GPC5: variants seen among roughly 807,000 people sequenced by gnomAD.
GPC5 encodes the protein glypican-5.
A neutral mutation model predicts 53.9 loss-of-function variants in GPC5; 47 were observed. The observed-to-expected ratio is 0.87, with a 90% confidence interval of 0.69 to 1.11. GPC5 has a LOEUF of 1.11. GPC5 is among the 50% of genes most tolerant of loss of function. GPC5 has a pLI of 0.00. For missense variants in GPC5, 748 were observed against 713.1 expected (o/e 1.05, Z -0.56); for synonymous variants, 286 against 263.3 (o/e 1.09, Z -0.84).
intron 6 of GPC5, among the ~76,000 whole-genome samples, chr13:91,964,657 G>A (rs1289159443): frequency 2.0e-5 from 3 of 152,194 alleles, no homozygotes; most frequent in African/African-American, 7.2e-5. Context: ...AGACAGAAAA[G>A]TTCTCCAAAT....
chr13:91,979,259 T>C (rs181474859), intron 6 of GPC5, among the ~76,000 whole-genome samples: 97 of 152,002 alleles, frequency 6.4e-4, no homozygotes, highest in African/African-American at 2.2e-3. Flanking sequence ...ATCACGGAGG[T>C]ATTCAAAGCT....
intron 6 of GPC5, among the ~76,000 whole-genome samples, chr13:91,922,699 A>G (rs1223168343): frequency 6.6e-6 from 1 of 152,138 alleles, no homozygotes; most frequent in Non-Finnish European, 1.5e-5. Flanking sequence ...CAAAGCATTG[A>G]AAAATTGGAT....
intron 6 of GPC5, among the ~76,000 whole-genome samples, chr13:91,911,493 A>G (rs1470067109): frequency 6.6e-6 from 1 of 152,184 alleles, no homozygotes; most frequent in Admixed American, 6.5e-5. Context: ...CAGTGAGCCA[A>G]GATGGCACCA....
chr13:92,535,288 C>T (rs1344983390), intron 7 of GPC5, among the ~76,000 whole-genome samples: 2 of 152,148 alleles, frequency 1.3e-5, no homozygotes, highest in African/African-American at 4.8e-5. Context: ...TTCATGCACA[C>T]GCTACCAAAA....
intron 7 of GPC5, among the ~76,000 whole-genome samples, chr13:92,692,565 G>A (rs1406170682): frequency 6.7e-6 from 1 of 150,200 alleles, no homozygotes; most frequent in African/African-American, 2.5e-5. Flanking sequence ...AGCATTGGGA[G>A]ATATACCTAA....
chr13:91,726,708 T>G lies in GPC5; in HGVS notation c.1021-1824T>G, dbSNP rs1385835850. ...CATATCCAAGTGCTACTCTTGTCCC[T>G]CCTGTGCGTCTCTGAAATCCACTCC... On this transcript the variant is annotated intron_variant, in intron 3 of 7. Transcript: ENST00000377067. 2.0e-5 allele frequency among the ~76,000 whole-genome samples: 3 copies of G among 152,156 alleles called. No individual in the cohort carries two copies. The East Asian group carries it at 5.8e-4, about 29-fold the overall frequency.
chr13:91,975,921 C>A (rs1040367696), intron 6 of GPC5, among the ~76,000 whole-genome samples: 1 of 152,148 alleles, frequency 6.6e-6, no homozygotes, highest in Non-Finnish European at 1.5e-5. Flanking sequence ...CACATATACA[C>A]CATGGAATAC....
chr13:92,523,829 C>T (rs364383), intron 7 of GPC5, among the ~76,000 whole-genome samples: 86,142 of 151,790 alleles, frequency 0.57, 25,173 homozygotes, highest in East Asian at 0.75. Flanking sequence ...CAAGTTGTTT[C>T]CCATGCATAT....
chr13:92,517,353 T>G (rs1227318371), intron 7 of GPC5, among the ~76,000 whole-genome samples: 2 of 152,176 alleles, frequency 1.3e-5, no homozygotes, highest in Non-Finnish European at 2.9e-5. Flanking sequence ...TCTCCCAGCA[T>G]GCAGCTTGAG....
chr13:91,940,867 G>A (rs1399267893), intron 6 of GPC5, among the ~76,000 whole-genome samples: 1 of 151,874 alleles, frequency 6.6e-6, no homozygotes, highest in East Asian at 1.9e-4. Flanking sequence ...GTTTATTTAA[G>A]TTCTTTATAG....
At chr13:91,974,576 C>A (rs1222957158) in intron 6 of GPC5, among the ~76,000 whole-genome samples, 1 of 151,984 alleles carries the variant, frequency 6.6e-6, no homozygotes, top group Non-Finnish European at 1.5e-5. Flanking sequence ...TGTGAAGGAC[C>A]TCTTCAAGGA....
chr13:92,556,937 G>C (rs1882514681), intron 7 of GPC5, among the ~76,000 whole-genome samples: 1 of 151,972 alleles, frequency 6.6e-6, no homozygotes, highest in South Asian at 2.1e-4. Context: ...AACAGGAGAG[G>C]AAAAGAGTTT....
intron 7 of GPC5, among the ~76,000 whole-genome samples, chr13:92,778,592 C>A (rs546970178): frequency 3.9e-5 from 6 of 152,150 alleles, no homozygotes. Flanking sequence ...TCCAATGCCA[C>A]CTCACTAAGG....
intron 2 of GPC5, among the ~76,000 whole-genome samples, chr13:91,489,186 T>G (rs1382630289): frequency 1.3e-5 from 2 of 152,190 alleles, no homozygotes; most frequent in African/African-American, 4.8e-5. Flanking sequence ...TGTGATATCT[T>G]ATTACCTTGT....
intron 3 of GPC5, among the ~76,000 whole-genome samples, chr13:91,695,784 C>A (rs1265032697): frequency 1.3e-5 from 2 of 152,140 alleles, no homozygotes; most frequent in Non-Finnish European, 2.9e-5. Flanking sequence ...AACTTAATGT[C>A]CCATGGCCAG....
At chr13:91,959,386 A>G (rs1158422121) in intron 6 of GPC5, among the ~76,000 whole-genome samples, 1 of 151,928 alleles carries the variant, frequency 6.6e-6, no homozygotes, top group South Asian at 2.1e-4. Context: ...GAGTGATGAG[A>G]CTCAGTCAGG....
intron 2 of GPC5, among the ~76,000 whole-genome samples, chr13:91,536,329 G>A (rs771987602): frequency 2.0e-4 from 31 of 152,156 alleles, no homozygotes; most frequent in Non-Finnish European, 3.1e-4. Flanking sequence ...TGAGCTTTGT[G>A]AACTTCCCCT....
intron 2 of GPC5, among the ~76,000 whole-genome samples, chr13:91,496,151 T>C (rs1884251136): frequency 6.6e-6 from 1 of 152,244 alleles, no homozygotes; most frequent in South Asian, 2.1e-4. Context: ...AATTGCATTA[T>C]GCAAAGGAAT....
chr13:92,561,135 G>A (rs1882682357), intron 7 of GPC5, among the ~76,000 whole-genome samples: 1 of 151,834 alleles, frequency 6.6e-6, no homozygotes, highest in Non-Finnish European at 1.5e-5. Context: ...TCCTTCTTCG[G>A]TGAAGTAATA....
Sources: allele counts gnomAD v4.1 joint callset (sites outside exome capture counted in the v4.1 genomes callset), GRCh38; gene constraint gnomAD v4.1.1; transcripts MANE v1.5; gene names NCBI Gene and HGNC (gene_info 2026-07-23, HGNC 2026-07-21).